The following LYSMD2 variants were observed in gnomAD, a reference collection of about 807,000 sequenced individuals.
The protein encoded by LYSMD2 is LysM domain containing 2.
A neutral mutation model predicts 17.7 loss-of-function variants in LYSMD2; 6 were observed. That is an observed-to-expected ratio of 0.34 (90% CI 0.19 to 0.67). LYSMD2 has a LOEUF of 0.67. Ranked by LOEUF, LYSMD2 falls within the 30% of genes least tolerant of loss-of-function variation. LYSMD2 has a pLI of 0.69. For missense variants in LYSMD2, 237 were observed against 286.7 expected, an observed-to-expected ratio of 0.83 and a Z score of 1.25; for synonymous variants, 102 against 129.8, an observed-to-expected ratio of 0.79 and a Z score of 1.45.
intron 1 of LYSMD2, among the ~76,000 whole-genome samples, chr15:51,731,804 G>A (rs938994974): frequency 1.3e-5 from 2 of 152,180 alleles, no homozygotes; most frequent in South Asian, 4.1e-4. Flanking sequence ...ATTTCCTCCA[G>A]AGGCTTGACT....
At chr15:51,740,312 G>A (rs1451291685), upstream of LYSMD2, among the ~76,000 whole-genome samples, 2 of 152,124 alleles carry the variant, frequency 1.3e-5, no homozygotes, top group African/African-American at 4.8e-5. Flanking sequence ...GTTACATGAG[G>A]TGTTATTAGA....
At chr15:51,723,984 G>T (rs989976060) in intron 2 of LYSMD2, among the ~76,000 whole-genome samples, 19 of 151,052 alleles carry the variant, frequency 1.3e-4, no homozygotes, top group African/African-American at 4.6e-4. Flanking sequence ...AAGGATTTAA[G>T]GTACTAACAA....
rs1260550394 is a variant in LYSMD2 at position 51,737,014 on chromosome 15, G to T, written c.273+336C>A. 2.0e-5 allele frequency among the ~76,000 whole-genome samples: 3 copies of T among 152,210 alleles called. No homozygotes were observed. The highest frequency in any genetic ancestry group is 7.2e-5 in the African/African-American group (3 of 41,460). On this transcript the variant is annotated intron_variant, in intron 1 of 2. Coordinates refer to ENST00000267838, the MANE Select transcript of LYSMD2 (RefSeq NM_153374.3). This position sits in a 1 kb window ranked among gnomAD's most constrained non-coding sequence, Gnocchi z 4.2. ...TTGGGTGAAGGTGGTTCACGGGGATGCCAAAGCCCTAGTCCTCTTCGGCCT... is the reference window on the plus strand; with the variant it reads ...TTGGGTGAAGGTGGTTCACGGGGATTCCAAAGCCCTAGTCCTCTTCGGCCT...
In LYSMD2 at chr15:51,733,292, G is replaced by GT. The variant is rs993915481; in HGVS notation, c.273+4057dup. 1.2e-4 allele frequency among the ~76,000 whole-genome samples: 18 copies of GT among 146,724 alleles called. 1 individual carries two copies. Among genetic ancestry groups the GT allele is most frequent in the Admixed American group, 3.4e-4 (5 of 14,646 alleles). On this transcript the variant is annotated intron_variant, in intron 1 of 2. Transcript: ENST00000267838. ...CCTCCCCAACTCCCTCTCCTGCTTG[G>GT]TTTTTTTTTCATTATGCTTATCAAT...
At position 51,724,932 on chromosome 15, in the gene LYSMD2, C is replaced by A. The variant is rs377053853; in HGVS notation, c.463G>T (p.Asp155Tyr). The change falls in exon 2 of 3, where the codon GAC becomes TAC. Residue 155 changes from aspartate to tyrosine, a missense_variant. By Grantham distance (160) the Asp-to-Tyr change is radical (BLOSUM62 -3). Coordinates refer to ENST00000267838, the MANE Select transcript of LYSMD2 (RefSeq NM_153374.3). Reference sequence around the variant, plus strand: ...TCTTGAGGACTGGGAGGAGGGAGGTCTTCCCCGGCCACCACTGGCTCCTCT... The same window carrying A: ...TCTTGAGGACTGGGAGGAGGGAGGTATTCCCCGGCCACCACTGGCTCCTCT... ...QEEEPVVAGEDLPPPSPQESD... is the reference protein window; with the variant it reads ...QEEEPVVAGEYLPPPSPQESD... 2.5e-6 allele frequency: 4 copies of A among 1,613,980 alleles called. No individual in the cohort carries two copies. The African/African-American group carries it at 5.3e-5, about 22-fold the overall frequency.
At chr15:51,738,282 A>C (rs1478306413), upstream of LYSMD2, 1 of 152,136 alleles carries the variant, frequency 6.6e-6, no homozygotes, top group Non-Finnish European at 1.5e-5. Context: ...AGTGCTTCTA[A>C]GGCCTAATGG....
At chr15:51,739,956 C>G (rs966542676), upstream of LYSMD2, among the ~76,000 whole-genome samples, 4 of 151,552 alleles carry the variant, frequency 2.6e-5, no homozygotes, top group Non-Finnish European at 4.4e-5. Flanking sequence ...TTGGGGTTTT[C>G]TTTGTTTGTT....
At chr15:51,744,354 A>T (rs879325913) in intron 1 of LYSMD2, among the ~76,000 whole-genome samples, 30 of 152,134 alleles carry the variant, frequency 2.0e-4, no homozygotes, top group Non-Finnish European at 3.8e-4. Flanking sequence ...GTATGAATGG[A>T]TGTTGAACTA....
At chr15:51,731,893 C>T (rs564166081) in intron 1 of LYSMD2, among the ~76,000 whole-genome samples, 5 of 152,234 alleles carry the variant, frequency 3.3e-5, no homozygotes, top group Non-Finnish European at 5.9e-5. Flanking sequence ...ATCTTAATGT[C>T]TCAGTGGAGA....
At chr15:51,737,673 T>G, upstream of LYSMD2, 3 of 1,166,488 alleles carry the variant, frequency 2.6e-6, no homozygotes, top group Non-Finnish European at 3.2e-6. The surrounding 1 kb of genome is among the most constrained non-coding windows in gnomAD (Gnocchi z 4.2). Flanking sequence ...GGGCGGCGCC[T>G]CCTCCTCCTC....
Position 51,733,466 on chromosome 15 carries a change from T to C in LYSMD2, c.273+3884A>G, listed in dbSNP as rs74015723. On this transcript the variant is annotated intron_variant, in intron 1 of 2. Transcript: ENST00000267838. The stretch of plus-strand genomic sequence containing the variant: ...AAAATTGGATGAATGATAAATACTG[T>C]TAGGAAAACATGGCAGGGAAGTTGG... Among the ~76,000 whole-genome samples the C allele has an allele frequency of 9.0e-3, 1,366 of 151,906 alleles. 21 individuals carry two copies. The highest frequency in any genetic ancestry group is 0.031 in the African/African-American group (1,302 of 41,380).
chr15:51,724,939 G>A lies in LYSMD2; in HGVS notation c.456C>T (p.Ala152=), dbSNP rs142926886. The A allele has an allele frequency of 2.7e-5, 43 of 1,613,930 alleles. No homozygotes were observed. The highest frequency in any genetic ancestry group is 1.6e-4 in the Middle Eastern group (1 of 6,082). Residue 152 remains alanine, a synonymous_variant, in exon 2 of 3, where the codon GCC becomes GCT. Transcript: ENST00000267838. ...SFSQEEEPVV[A]GEDLPPPSPQ... Reference sequence around the variant, plus strand: ...GACTGGGAGGAGGGAGGTCTTCCCCGGCCACCACTGGCTCCTCTTCCTGAG... The same window carrying A: ...GACTGGGAGGAGGGAGGTCTTCCCCAGCCACCACTGGCTCCTCTTCCTGAG...
At chr15:51,733,127 C>T (rs1460320595) in intron 1 of LYSMD2, among the ~76,000 whole-genome samples, 1 of 152,076 alleles carries the variant, frequency 6.6e-6, no homozygotes, top group Non-Finnish European at 1.5e-5. Context: ...ATGTTCTCAC[C>T]TCAAGGCCTT....
At chr15:51,742,510 A>G (rs896702628), upstream of LYSMD2, among the ~76,000 whole-genome samples, 1 of 152,230 alleles carries the variant, frequency 6.6e-6, no homozygotes, top group Non-Finnish European at 1.5e-5. Context: ...ATGTTGTAAC[A>G]TGTATCATGT....
At chr15:51,751,338 G>GA (rs1274741227) in exon 1 of LYSMD2, 11 of 702,032 alleles carry the variant, frequency 1.6e-5, no homozygotes, top group Non-Finnish European at 2.6e-5. Flanking sequence ...TCACAGGCTT[G>GA]AAAGCCTTTG....
intron 1 of LYSMD2, among the ~76,000 whole-genome samples, chr15:51,731,418 G>A (rs78596994): frequency 0.031 from 4,793 of 152,272 alleles, 121 homozygotes; most frequent in Non-Finnish European, 0.05. Context: ...AGATTTACAT[G>A]CACCTGAGTT....
At chr15:51,732,309 C>T (rs28476564) in intron 1 of LYSMD2, among the ~76,000 whole-genome samples, 10,366 of 152,186 alleles carry the variant, frequency 0.068, 1,187 homozygotes, top group African/African-American at 0.24. Context: ...CACATGTATG[C>T]GGAGAACTCA....
chr15:51,737,763 G>A (rs1232144637), upstream of LYSMD2: 5 of 619,606 alleles, frequency 8.1e-6, no homozygotes, highest in African/African-American at 3.9e-5. The surrounding 1 kb of genome is among the most constrained non-coding windows in gnomAD (Gnocchi z 4.2). Flanking sequence ...AAGCCGAGGC[G>A]GGGAGCCGCA....
intron 1 of LYSMD2, among the ~76,000 whole-genome samples, chr15:51,750,753 T>C (rs1042730641): frequency 6.6e-6 from 1 of 152,188 alleles, no homozygotes; most frequent in South Asian, 2.1e-4. Context: ...AACTTGACTT[T>C]ATTTTCTCTA....
Sources: allele counts gnomAD v4.1 joint callset (sites outside exome capture counted in the v4.1 genomes callset), GRCh38; gene constraint gnomAD v4.1.1; non-coding constraint Gnocchi (gnomAD v3.1); transcripts MANE v1.5; gene names NCBI Gene and HGNC (gene_info 2026-07-23, HGNC 2026-07-21).